The following PARN variants were observed in gnomAD, a reference collection of about 807,000 sequenced individuals.
The protein encoded by PARN is poly(A)-specific ribonuclease.
A neutral mutation model predicts 102.8 loss-of-function variants in PARN; 71 were observed. That is an observed-to-expected ratio of 0.69 (90% CI 0.57 to 0.84). The LOEUF is 0.84. Ranked by LOEUF, PARN falls within the 40% of genes least tolerant of loss-of-function variation. The pLI is 0.00. For missense variants in PARN, 782 were observed against 760.9 expected, an observed-to-expected ratio of 1.03 and a Z score of -0.33; for synonymous variants, 261 against 252.9, an observed-to-expected ratio of 1.03 and a Z score of -0.30.
Position 14,608,423 on chromosome 16 carries a change from T to G in PARN, c.621-104A>C, listed in dbSNP as rs550477908. 7.3e-5 allele frequency: 50 copies of G among 686,388 alleles called. No individual in the cohort carries two copies. In the East Asian group the frequency reaches 1.4e-3, roughly 19 times the overall value. 42.5% of individuals were successfully genotyped at this position (686,388 alleles called of 1,614,324 possible). A position where few individuals can be genotyped will look rare whatever the true frequency, so the allele number is the denominator to read the frequency against. ...ATTTCGCTTTAAAAAGAGACTTCAT[T>G]AGAACTGATAGGTAATTTGCAAACA... is the stretch of plus-strand genomic sequence containing the variant. On this transcript the variant is annotated intron_variant, in intron 8 of 23. Coordinates refer to ENST00000437198, the MANE Select transcript of PARN (RefSeq NM_002582.4).
intron 7 of PARN, among the ~76,000 whole-genome samples, chr16:14,610,230 T>C (rs1479983651): frequency 6.6e-6 from 1 of 152,164 alleles, no homozygotes; most frequent in Non-Finnish European, 1.5e-5. Context: ...CTCAACACTT[T>C]GAGAGGCTGA....
At chr16:14,580,751 G>A (rs565349270) in intron 18 of PARN, 123 bp downstream of exon 18, 28 of 559,184 alleles carry the variant, frequency 5.0e-5, no homozygotes, top group African/African-American at 4.4e-4. Context: ...TGAGTCACTC[G>A]AGATGAAAAA....
chr16:14,619,476 T>C (rs941571585), intron 5 of PARN, among the ~76,000 whole-genome samples: 1 of 151,598 alleles, frequency 6.6e-6, no homozygotes, highest in Non-Finnish European at 1.5e-5. Flanking sequence ...AAAATAAGTA[T>C]ATATTAGGCT....
chr16:14,542,691 A>G (rs956340339), intron 21 of PARN, among the ~76,000 whole-genome samples: 1 of 152,230 alleles, frequency 6.6e-6, no homozygotes, highest in African/African-American at 2.4e-5. Context: ...TATATGCAAT[A>G]AAAATTCACT....
intron 22 of PARN, among the ~76,000 whole-genome samples, chr16:14,458,705 G>C (rs1273759975): frequency 6.6e-6 from 1 of 152,166 alleles, no homozygotes; most frequent in Non-Finnish European, 1.5e-5. Context: ...CCTAAAACGA[G>C]CAGGTGATGA....
chr16:14,482,719 C>A lies in PARN; in HGVS notation c.1589G>T (p.Ser530Ile). 6.2e-7 allele frequency: 1 copy of A among 1,613,930 alleles called. No individual in the cohort carries two copies. Among genetic ancestry groups the A allele is most frequent in the Non-Finnish European group, 8.5e-7 (1 of 1,179,830 alleles). Residue 530 changes from serine to isoleucine, a missense_variant, in exon 22 of 24, where the codon AGC becomes ATC. Physicochemically the swap from Ser to Ile is moderately radical, Grantham distance 142. Transcript: ENST00000437198. ...CCGTTTGCTGTCAGCCTCCTTCCAG[C>A]TATCTTCAGTCCACTTTCTTTTGAT... The part of the protein sequence containing the change: ...KQIKRKWTED[S>I]WKEADSKRLN...
chr16:14,500,351 C>T (rs1248974011), intron 21 of PARN, among the ~76,000 whole-genome samples: 1 of 152,110 alleles, frequency 6.6e-6, no homozygotes, highest in Non-Finnish European at 1.5e-5. Flanking sequence ...AGCTGCTGTG[C>T]CCAGGCTAGA....
At chr16:14,515,843 A>C (rs1032767965) in intron 21 of PARN, among the ~76,000 whole-genome samples, 1 of 152,076 alleles carries the variant, frequency 6.6e-6, no homozygotes, top group Non-Finnish European at 1.5e-5. Context: ...AGGAGGCTGA[A>C]GCAGGAGGAT....
intron 21 of PARN, among the ~76,000 whole-genome samples, chr16:14,485,200 T>C (rs896236463): frequency 2.8e-5 from 4 of 142,928 alleles, no homozygotes; most frequent in Non-Finnish European, 6.4e-5. Flanking sequence ...AGATGTGCTA[T>C]TGAGTAAAGT....
intron 21 of PARN, among the ~76,000 whole-genome samples, chr16:14,548,231 G>C (rs1028816219): frequency 2.7e-5 from 4 of 150,798 alleles, no homozygotes; most frequent in Middle Eastern, 3.4e-3. Flanking sequence ...CTGGGTGACA[G>C]AGCAAGACTC....
intron 21 of PARN, among the ~76,000 whole-genome samples, chr16:14,500,503 C>T (rs1245310294): frequency 6.6e-6 from 1 of 152,170 alleles, no homozygotes; most frequent in East Asian, 1.9e-4. Context: ...AACTCCTGGA[C>T]TCAAGCAACC....
intron 21 of PARN, among the ~76,000 whole-genome samples, chr16:14,540,118 T>A (rs1966785120): frequency 6.6e-6 from 1 of 152,194 alleles, no homozygotes; most frequent in African/African-American, 2.4e-5. Flanking sequence ...CAACTGAACA[T>A]GCTTTCCAGG....
At chr16:14,627,842 T>TA (rs201345035) in intron 3 of PARN, among the ~76,000 whole-genome samples, 5 of 151,542 alleles carry the variant, frequency 3.3e-5, no homozygotes, top group Non-Finnish European at 5.9e-5. Context: ...ATGTAAAAAT[T>TA]AAAAAAAATA....
intron 21 of PARN, among the ~76,000 whole-genome samples, chr16:14,511,523 A>G (rs1441555150): frequency 6.6e-6 from 1 of 152,196 alleles, no homozygotes. Context: ...CAGCTAATCA[A>G]CAATACATCA....
At chr16:14,553,518 G>A (rs570249404) in intron 20 of PARN, among the ~76,000 whole-genome samples, 40 of 152,264 alleles carry the variant, frequency 2.6e-4, no homozygotes, top group African/African-American at 9.1e-4. Flanking sequence ...TAAATGCTTC[G>A]TTTGTTAAAA....
intron 21 of PARN, among the ~76,000 whole-genome samples, chr16:14,484,637 A>C (rs1001853730): frequency 2.6e-5 from 4 of 152,208 alleles, no homozygotes; most frequent in Non-Finnish European, 5.9e-5. Context: ...AAGGGACTCC[A>C]GTTTACCAGG....
intron 21 of PARN, among the ~76,000 whole-genome samples, chr16:14,539,143 C>T (rs1236810974): frequency 2.0e-5 from 3 of 152,132 alleles, no homozygotes; most frequent in South Asian, 2.1e-4. Flanking sequence ...ATTCCCTACC[C>T]CTGCTCCCAC....
intron 21 of PARN, among the ~76,000 whole-genome samples, chr16:14,541,806 T>C (rs1384135454): frequency 6.6e-6 from 1 of 152,044 alleles, no homozygotes; most frequent in Non-Finnish European, 1.5e-5. Flanking sequence ...AATACAAATA[T>C]CAACATTCTT....
chr16:14,556,361 T>C (rs1264160538), intron 18 of PARN, among the ~76,000 whole-genome samples: 4 of 151,814 alleles, frequency 2.6e-5, no homozygotes, highest in African/African-American at 4.8e-5. Context: ...GGTTTCCCGA[T>C]GTTGACCAGG....
Sources: allele counts gnomAD v4.1 joint callset (sites outside exome capture counted in the v4.1 genomes callset), GRCh38; gene constraint gnomAD v4.1.1; transcripts MANE v1.5; gene names NCBI Gene and HGNC (gene_info 2026-07-23, HGNC 2026-07-21).